The following LPCAT2 variants were observed in gnomAD, a reference collection of about 807,000 sequenced individuals.
LPCAT2 encodes 1-AGP acyltransferase 11.
Under a neutral mutation model 64.7 loss-of-function variants are expected in LPCAT2, and 58 were observed. That is an observed-to-expected ratio of 0.90 (90% CI 0.73 to 1.12). LPCAT2 has a LOEUF of 1.12. LPCAT2 is among the 50% of genes most tolerant of loss of function. LPCAT2 has a pLI of 0.00. For missense variants in LPCAT2, 579 were observed against 669.8 expected (o/e 0.86, Z 1.50); for synonymous variants, 252 against 245.3 (o/e 1.03, Z -0.26).
At chr16:55,561,936 T>C (rs1306840883) in intron 11 of LPCAT2, among the ~76,000 whole-genome samples, 3 of 152,040 alleles carry the variant, frequency 2.0e-5, no homozygotes, top group Non-Finnish European at 4.4e-5. Context: ...TGCTCTCATG[T>C]CCTAGACAGA....
At chr16:55,579,295 AC>A (rs762590047) in intron 13 of LPCAT2, 51 bp downstream of exon 13, 19 of 1,565,692 alleles carry the variant, frequency 1.2e-5, no homozygotes, top group Non-Finnish European at 1.5e-5. Flanking sequence ...GGACATCCAG[AC>A]TATGGACTGA....
intron 7 of LPCAT2, among the ~76,000 whole-genome samples, chr16:55,536,991 T>C (rs1002806365): frequency 3.3e-5 from 5 of 152,128 alleles, no homozygotes; most frequent in Non-Finnish European, 1.5e-5. Flanking sequence ...GAAAGGCCCA[T>C]TGATTTTTTT....
chr16:55,569,864 ATAT>A (rs1171083978), intron 11 of LPCAT2, among the ~76,000 whole-genome samples: 5 of 152,336 alleles, frequency 3.3e-5, no homozygotes, highest in African/African-American at 1.2e-4. Flanking sequence ...TTTTCATTCA[ATAT>A]TTGATGTTTT....
At chr16:55,550,797 A>G in intron 10 of LPCAT2, 152 bp from the exon 11 acceptor site, 1 of 544,980 alleles carries the variant, frequency 1.8e-6, no homozygotes, top group Non-Finnish European at 3.0e-6. Flanking sequence ...TATGTTGAAT[A>G]TGTGCTTTTA....
chr16:55,554,223 C>G (rs187264959), intron 11 of LPCAT2, among the ~76,000 whole-genome samples: 1 of 152,132 alleles, frequency 6.6e-6, no homozygotes, highest in Non-Finnish European at 1.5e-5. Flanking sequence ...TCTTTTGAAG[C>G]CTTGAAGCCA....
At chr16:55,543,944 A>G (rs1467661471) in intron 8 of LPCAT2, among the ~76,000 whole-genome samples, 1 of 152,224 alleles carries the variant, frequency 6.6e-6, no homozygotes, top group Non-Finnish European at 1.5e-5. Flanking sequence ...GTAGCACATT[A>G]TTCTATAATT....
At chr16:55,511,109 T>C (rs541171809) in intron 1 of LPCAT2, among the ~76,000 whole-genome samples, 1 of 152,286 alleles carries the variant, frequency 6.6e-6, no homozygotes, top group Admixed American at 6.5e-5. Context: ...GTCTATTACA[T>C]TGGAATATTA....
chr16:55,542,093 A>T, intron 8 of LPCAT2: 1 of 601,236 alleles, frequency 1.7e-6, no homozygotes, highest in Non-Finnish European at 2.4e-6. Flanking sequence ...TCAAGAAAAA[A>T]TGAATAAACT....
intron 11 of LPCAT2, among the ~76,000 whole-genome samples, chr16:55,557,979 T>C (rs1476084860): frequency 2.0e-5 from 3 of 152,224 alleles, no homozygotes; most frequent in Non-Finnish European, 2.9e-5. Context: ...TAGTTTGGGA[T>C]AATTTCCTTT....
chr16:55,572,113 C>T (rs1963776900), intron 11 of LPCAT2, among the ~76,000 whole-genome samples: 1 of 152,112 alleles, frequency 6.6e-6, no homozygotes, highest in South Asian at 2.1e-4. Flanking sequence ...CTTTGTCATT[C>T]AAAACCACTC....
intron 9 of LPCAT2, among the ~76,000 whole-genome samples, chr16:55,547,454 C>T (rs1335329031): frequency 6.6e-6 from 1 of 152,142 alleles, no homozygotes; most frequent in Non-Finnish European, 1.5e-5. Context: ...CATTGGAAAA[C>T]ACAAGTACTG....
At chr16:55,514,097 G>A (rs1233806611) in intron 1 of LPCAT2, among the ~76,000 whole-genome samples, 4 of 152,102 alleles carry the variant, frequency 2.6e-5, no homozygotes, top group South Asian at 2.1e-4. Flanking sequence ...CTGAGACAGG[G>A]AGTAACAGTT....
chr16:55,575,497 C>T (rs1963817304), intron 12 of LPCAT2, among the ~76,000 whole-genome samples: 1 of 152,142 alleles, frequency 6.6e-6, no homozygotes, highest in African/African-American at 2.4e-5. Context: ...CTCTCCTTGT[C>T]TTGCTAAGCT....
At chr16:55,518,013 A>G (rs1386418905) in intron 1 of LPCAT2, among the ~76,000 whole-genome samples, 2 of 152,212 alleles carry the variant, frequency 1.3e-5, no homozygotes, top group Non-Finnish European at 2.9e-5. Context: ...AAGTAAAACC[A>G]TCAAGATGGC....
chr16:55,517,410 G>T (rs1261789724), intron 1 of LPCAT2, among the ~76,000 whole-genome samples: 2 of 151,906 alleles, frequency 1.3e-5, no homozygotes, highest in African/African-American at 4.8e-5. Flanking sequence ...CGCTACCAAA[G>T]GGTTAATGAA....
intron 4 of LPCAT2, among the ~76,000 whole-genome samples, chr16:55,531,432 A>T (rs1300225745): frequency 1.3e-5 from 2 of 152,196 alleles, no homozygotes; most frequent in African/African-American, 4.8e-5. Flanking sequence ...TATGTCAACT[A>T]ATTCAAGTAA....
intron 1 of LPCAT2, among the ~76,000 whole-genome samples, chr16:55,514,621 G>C (rs1056007098): frequency 6.6e-6 from 1 of 152,148 alleles, no homozygotes; most frequent in Admixed American, 6.5e-5. Context: ...ATAATTTCCA[G>C]AGTTGCTATA....
chr16:55,542,457 A>G (rs1489794006), intron 8 of LPCAT2, among the ~76,000 whole-genome samples: 3 of 152,138 alleles, frequency 2.0e-5, no homozygotes, highest in Non-Finnish European at 4.4e-5. Context: ...TTTGTACCTC[A>G]CAAGAGTGAG....
At chr16:55,534,400 T>G in intron 6 of LPCAT2, 43 bp from the exon 7 acceptor site, 2 of 1,255,790 alleles carry the variant, frequency 1.6e-6, no homozygotes, top group African/African-American at 1.5e-5. Flanking sequence ...TTATTTAGTA[T>G]TTTTCCTCCA....
Sources: gnomAD v4.1 joint callset for allele counts (sites outside exome capture counted in the v4.1 genomes callset) on GRCh38, gnomAD v4.1.1 for gene constraint, MANE v1.5 for transcripts, NCBI Gene and HGNC (gene_info 2026-07-23, HGNC 2026-07-21) for gene names.